The following DAAM1 variants were observed in gnomAD, a reference collection of about 807,000 sequenced individuals.
DAAM1 encodes the protein dishevelled associated activator of morphogenesis 1.
In DAAM1, 52 loss-of-function variants were observed where a neutral mutation model predicts 130.0. The ratio of observed to expected loss-of-function variants is 0.40; its 90% CI spans 0.32 to 0.50. The LOEUF (loss-of-function observed/expected upper bound fraction) is 0.50. Among genes scored for constraint, DAAM1 ranks in the 20% least tolerant of loss-of-function variants. The pLI, the probability that DAAM1 is intolerant of heterozygous loss-of-function variation, is 0.61. For missense variants in DAAM1, 1,134 were observed against 1,303.8 expected, an observed-to-expected ratio of 0.87 and a Z score of 2.01; for synonymous variants, 452 against 444.5, an observed-to-expected ratio of 1.02 and a Z score of -0.21.
intron 17 of DAAM1, among the ~76,000 whole-genome samples, chr14:59,350,259 C>G (rs1186874725): frequency 6.6e-6 from 1 of 152,070 alleles, no homozygotes; most frequent in Middle Eastern, 3.2e-3. Flanking sequence ...TTCCTTTCTT[C>G]TAGTCAGGAC....
chr14:59,259,386 T>C (rs1026882215), intron 1 of DAAM1, among the ~76,000 whole-genome samples: 3 of 152,212 alleles, frequency 2.0e-5, no homozygotes, highest in Admixed American at 2.0e-4. Flanking sequence ...GAAATGAGCT[T>C]TGAAGGCTGA....
intron 1 of DAAM1, among the ~76,000 whole-genome samples, chr14:59,198,197 T>G (rs375097953): frequency 6.7e-4 from 101 of 149,852 alleles, no homozygotes; most frequent in African/African-American, 2.4e-3. Context: ...TCTTTTCTTT[T>G]CTTTTCTTTC....
chr14:59,297,337 A>T (rs897586315), intron 3 of DAAM1, among the ~76,000 whole-genome samples: 1 of 152,202 alleles, frequency 6.6e-6, no homozygotes, highest in Non-Finnish European at 1.5e-5. Context: ...AGAGCTTGGA[A>T]CATTCCTATT....
intron 1 of DAAM1, among the ~76,000 whole-genome samples, chr14:59,240,311 G>T (rs1415995972): frequency 6.6e-6 from 1 of 152,160 alleles, no homozygotes; most frequent in Admixed American, 6.5e-5. Context: ...TAGCTGAAAT[G>T]ATGCTTGCTG....
intron 23 of DAAM1, among the ~76,000 whole-genome samples, chr14:59,364,909 C>G (rs867542951): frequency 1.3e-5 from 2 of 149,912 alleles, no homozygotes; most frequent in South Asian, 2.1e-4. Flanking sequence ...ACCATTCAGA[C>G]CTCCACTGTG....
At chr14:59,252,210 A>C (rs982694363) in intron 1 of DAAM1, among the ~76,000 whole-genome samples, 1 of 152,208 alleles carries the variant, frequency 6.6e-6, no homozygotes, top group South Asian at 2.1e-4. Context: ...GAGGGTTTGC[A>C]GTAGATTTTC....
At chr14:59,224,991 T>TAG (rs1179296454) in intron 1 of DAAM1, among the ~76,000 whole-genome samples, 1 of 150,124 alleles carries the variant, frequency 6.7e-6, no homozygotes, top group Non-Finnish European at 1.5e-5. Flanking sequence ...CTACAACCTC[T>TAG]AGGACTGTAA....
chr14:59,253,448 TTAAAG>T (rs1271574280), intron 1 of DAAM1, among the ~76,000 whole-genome samples: 13 of 152,236 alleles, frequency 8.5e-5, no homozygotes, highest in African/African-American at 7.2e-5. Flanking sequence ...TGAAATTGTA[TTAAAG>T]TAATCTTCGC....
chr14:59,213,801 A>G (rs1888499016), intron 1 of DAAM1, among the ~76,000 whole-genome samples: 1 of 152,174 alleles, frequency 6.6e-6, no homozygotes. Context: ...TGCAGTCGGA[A>G]GACAGTTTAT....
chr14:59,327,034 T>C (rs1885230036), intron 12 of DAAM1, 43 bp downstream of exon 12: 2 of 1,605,148 alleles, frequency 1.2e-6, no homozygotes, highest in African/African-American at 1.3e-5. Flanking sequence ...TATTGGTTAT[T>C]GGGTGACCTT....
At chr14:59,229,121 C>T (rs1889027768) in intron 1 of DAAM1, among the ~76,000 whole-genome samples, 1 of 152,162 alleles carries the variant, frequency 6.6e-6, no homozygotes, top group African/African-American at 2.4e-5. Context: ...GTGTTTCTTC[C>T]ATGTGTGCCA....
chr14:59,321,285 T>A (rs940828012), intron 5 of DAAM1, among the ~76,000 whole-genome samples: 4 of 152,172 alleles, frequency 2.6e-5, no homozygotes, highest in Non-Finnish European at 5.9e-5. Flanking sequence ...AGAAAGTAGA[T>A]TAGTGGTTGC....
chr14:59,294,408 C>T (rs10483711), intron 3 of DAAM1, among the ~76,000 whole-genome samples: 9,533 of 152,146 alleles, frequency 0.063, 389 homozygotes, highest in Non-Finnish European at 0.093. Flanking sequence ...CAGACTAAAA[C>T]GATTCAAAAG....
At chr14:59,361,986 T>C (rs1386844812) in intron 22 of DAAM1, among the ~76,000 whole-genome samples, 3 of 151,258 alleles carry the variant, frequency 2.0e-5, no homozygotes, top group Non-Finnish European at 4.4e-5. Flanking sequence ...AATTTTTTTT[T>C]CAATAAATTA....
rs140188690 is a variant in DAAM1, at chr14:59,291,258, T to C, written c.225T>C (p.Phe75=). Residue 75 remains phenylalanine (F), a synonymous_variant, in exon 3 of 25, where the codon TTT becomes TTC. Coordinates refer to ENST00000360909, the MANE Select transcript of DAAM1 (RefSeq NM_001270520.2). ...DLTDKHREAM[F]ALPAEKKWQI... is the part of the protein sequence containing the mutation. ...CAGACAAACACAGAGAAGCCATGTTTGCACTTCCAGCTGAGAAAAAATGGC... is the reference window on the plus strand; with the variant it reads ...CAGACAAACACAGAGAAGCCATGTTCGCACTTCCAGCTGAGAAAAAATGGC... 6 of 1,611,856 alleles carry C rather than the reference T, an allele frequency of 3.7e-6. No homozygotes were observed. The African/African-American group carries it at 6.7e-5, about 18-fold the overall frequency.
chr14:59,314,358 G>T (rs1344227400), intron 3 of DAAM1, among the ~76,000 whole-genome samples: 1 of 152,162 alleles, frequency 6.6e-6, no homozygotes, highest in Non-Finnish European at 1.5e-5. Context: ...TTTCAGGTCT[G>T]TTTGATCACA....
chr14:59,348,252 A>G (rs1212534513), intron 17 of DAAM1, among the ~76,000 whole-genome samples: 4 of 152,218 alleles, frequency 2.6e-5, no homozygotes, highest in Non-Finnish European at 2.9e-5. Flanking sequence ...ATCTTTGCCC[A>G]TGGTATCTTG....
intron 2 of DAAM1, 89 bp from the exon 3 acceptor site, chr14:59,291,128 G>GTTTT: frequency 9.3e-7 from 1 of 1,071,236 alleles, no homozygotes; most frequent in Non-Finnish European, 1.3e-6. Context: ...TTGTGTTTTT[G>GTTTT]TTTTTTTTCT....
intron 1 of DAAM1, among the ~76,000 whole-genome samples, chr14:59,228,584 G>A (rs572812525): frequency 6.6e-6 from 1 of 152,256 alleles, no homozygotes; most frequent in East Asian, 1.9e-4. Flanking sequence ...TAGAAACAGG[G>A]CTATTTTTAG....
Sources: gnomAD v4.1 joint callset for allele counts (sites outside exome capture counted in the v4.1 genomes callset) on GRCh38, gnomAD v4.1.1 for gene constraint, MANE v1.5 for transcripts, NCBI Gene and HGNC (gene_info 2026-07-23, HGNC 2026-07-21) for gene names.